The following TBC1D8 variants were observed in gnomAD, a reference collection of about 807,000 sequenced individuals.
The protein encoded by TBC1D8 is BUB2-like protein 1.
In TBC1D8, 65 loss-of-function variants were observed where a neutral mutation model predicts 118.8. That is an observed-to-expected ratio of 0.55 (90% CI 0.45 to 0.67). TBC1D8 has a LOEUF of 0.67. Ranked by LOEUF, TBC1D8 falls within the 30% of genes least tolerant of loss-of-function variation. The pLI, the probability that TBC1D8 is intolerant of heterozygous loss-of-function variation, is 0.00. For synonymous variants in TBC1D8, 566 were observed against 595.8 expected, an observed-to-expected ratio of 0.95 and a Z score of 0.73; for missense variants, 1,376 against 1,471.2, an observed-to-expected ratio of 0.94 and a Z score of 1.06.
intron 6 of TBC1D8, among the ~76,000 whole-genome samples, chr2:101,038,876 A>G (rs964289567): frequency 3.6e-5 from 5 of 138,664 alleles, no homozygotes; most frequent in Admixed American, 1.4e-4. Context: ...CTATCCATAC[A>G]TCGGCGTATG....
At chr2:101,033,304 G>A in intron 10 of TBC1D8, 1 of 566,180 alleles carries the variant, frequency 1.8e-6, no homozygotes, top group Non-Finnish European at 3.2e-6. Context: ...TTTAGTAGAT[G>A]GGGTTTCACC....
rs537561932 is a variant in TBC1D8 at position 101,095,332 on chromosome 2, T to C, written c.128-4968A>G. 4.6e-5 allele frequency among the ~76,000 whole-genome samples: 7 copies of C among 150,878 alleles called. No individual in the cohort carries two copies. The South Asian group carries it at 1.3e-3, about 27-fold the overall frequency. ...TTGTTACATATGTATACATGTGCCA[T>C]GTTGGTGTGCTGCACCCATTAACTC... On this transcript the variant is annotated intron_variant, in intron 1 of 19. Coordinates refer to ENST00000409318, the MANE Select transcript of TBC1D8 (RefSeq NM_001330348.2).
chr2:101,124,494 C>T (rs1006289436), intron 1 of TBC1D8, among the ~76,000 whole-genome samples: 2 of 152,114 alleles, frequency 1.3e-5, no homozygotes, highest in Non-Finnish European at 2.9e-5. Context: ...ACAACTCTTC[C>T]AATTTAAGGA....
chr2:101,011,613 T>C (rs1679219037), intron 17 of TBC1D8, 73 bp from the exon 18 acceptor site: 1 of 1,525,822 alleles, frequency 6.6e-7, no homozygotes, highest in Non-Finnish European at 9.0e-7. Flanking sequence ...TGTAGCTTTC[T>C]AGGCAACTAA....
chr2:101,101,791 AG>A (rs1676854422), intron 1 of TBC1D8, among the ~76,000 whole-genome samples: 2 of 152,208 alleles, frequency 1.3e-5, no homozygotes, highest in Non-Finnish European at 2.9e-5. Flanking sequence ...AAACTAATGC[AG>A]GAACAGAAAA....
intron 1 of TBC1D8, among the ~76,000 whole-genome samples, chr2:101,149,926 C>A (rs1450827339): frequency 6.6e-6 from 1 of 152,210 alleles, no homozygotes; most frequent in Admixed American, 6.5e-5. Context: ...GCACCGCCTC[C>A]GTCCAGAATC....
intron 1 of TBC1D8, among the ~76,000 whole-genome samples, chr2:101,148,754 A>C (rs1317172993): frequency 6.6e-6 from 1 of 152,146 alleles, no homozygotes; most frequent in Non-Finnish European, 1.5e-5. Context: ...TTAGGCCACC[A>C]CTGCTTGCTT....
At chr2:101,021,863 C>T (rs1680049152) in intron 16 of TBC1D8, 117 bp from the exon 17 acceptor site, 1 of 691,478 alleles carries the variant, frequency 1.4e-6, no homozygotes, top group African/African-American at 1.8e-5. Flanking sequence ...CCCCAACTCT[C>T]CTGCCCCAGA....
chr2:101,117,395 C>G (rs1255894538), intron 1 of TBC1D8, among the ~76,000 whole-genome samples: 1 of 152,150 alleles, frequency 6.6e-6, no homozygotes, highest in Non-Finnish European at 1.5e-5. Context: ...CCCAGCCAAT[C>G]TTTCTGGACC....
Position 101,151,180 on chromosome 2 carries a change from T to C in TBC1D8, c.74A>G (p.Tyr25Cys). Reference protein sequence around the residue: ...KLWVTQKSSCYFILQRRRGHG... With the variant: ...KLWVTQKSSCCFILQRRRGHG... ...CCCGCGGCGCCGCTGCAGGATGAAGTAGCAGCTGCTCTTCTGGGTCACCCA... is the reference window on the plus strand; with the variant it reads ...CCCGCGGCGCCGCTGCAGGATGAAGCAGCAGCTGCTCTTCTGGGTCACCCA... The change falls in exon 1 of 20, where the codon TAC becomes TGC. Residue 25 changes from tyrosine to cysteine, a missense_variant. Coordinates refer to ENST00000409318, the MANE Select transcript of TBC1D8 (RefSeq NM_001330348.2). The C allele has an allele frequency of 1.6e-6, 2 of 1,245,190 alleles. No individual in the cohort carries two copies. The highest frequency in any genetic ancestry group is 2.1e-6 in the Non-Finnish European group (2 of 968,646). 77.1% of individuals were successfully genotyped at this position (1,245,190 alleles called of 1,614,324 possible).
chr2:101,038,131 G>A (rs1681144277), intron 7 of TBC1D8, among the ~76,000 whole-genome samples: 1 of 152,118 alleles, frequency 6.6e-6, no homozygotes, highest in African/African-American at 2.4e-5. Flanking sequence ...CAGCCACCCC[G>A]GGACCACCTC....
intron 2 of TBC1D8, among the ~76,000 whole-genome samples, chr2:101,066,847 A>G (rs939889087): frequency 1.3e-5 from 2 of 149,954 alleles, no homozygotes; most frequent in African/African-American, 4.9e-5. Flanking sequence ...CGAGAGGCTG[A>G]GGCAGGAGAA....
In TBC1D8 at chr2:101,040,389, G is replaced by A. The variant is rs757526720; in HGVS notation, c.873-4C>T. The A allele has an allele frequency of 4.4e-6, 7 of 1,584,686 alleles. No individual in the cohort carries two copies. The highest frequency in any genetic ancestry group is 6.0e-6 in the Non-Finnish European group (7 of 1,164,460). On this transcript the variant is annotated splice_region_variant and splice_polypyrimidine_tract_variant and intron_variant, in intron 5 of 19. Transcript: ENST00000409318. ...CTGTGCTCTGGCTTCCAGGTCCCTG[G>A]GGAAGGACAGGGAGAGAAGAAGAAG... is the stretch of plus-strand genomic sequence containing the variant.
chr2:101,066,466 TA>T (rs1337016339), intron 2 of TBC1D8, among the ~76,000 whole-genome samples: 1 of 152,004 alleles, frequency 6.6e-6, no homozygotes, highest in South Asian at 2.1e-4. Flanking sequence ...AATCAATTCT[TA>T]AAAAAATGGA....
intron 15 of TBC1D8, among the ~76,000 whole-genome samples, chr2:101,026,146 C>T (rs1310813000): frequency 6.6e-6 from 1 of 152,054 alleles, no homozygotes; most frequent in Admixed American, 6.5e-5. Context: ...ACATAAATTC[C>T]GACATGCGAT....
At chr2:101,118,639 G>A (rs1031592656) in intron 1 of TBC1D8, among the ~76,000 whole-genome samples, 4 of 149,394 alleles carry the variant, frequency 2.7e-5, no homozygotes, top group Non-Finnish European at 1.5e-5. Context: ...GGAGCTTGCA[G>A]TGAGCCGAGA....
At position 101,090,581 on chromosome 2, in the gene TBC1D8, C is replaced by G. The variant is rs146535503; in HGVS notation, c.128-217G>C. 1.7e-3 allele frequency among the ~76,000 whole-genome samples: 259 copies of G among 152,334 alleles called. 3 individuals carry two copies. The highest frequency in any genetic ancestry group is 3.7e-3 in the East Asian group (19 of 5,174). On this transcript the variant is annotated intron_variant, in intron 1 of 19. Transcript: ENST00000409318. ...ACCTGCCCCTGACAGGCACTCAGTA[C>G]TCATTTGCTCAATCAATGAAGAGGT...
intron 5 of TBC1D8, among the ~76,000 whole-genome samples, chr2:101,042,116 T>C (rs1681423852): frequency 6.6e-6 from 1 of 152,106 alleles, no homozygotes; most frequent in Admixed American, 6.5e-5. Context: ...ATATATATTT[T>C]AAGAATCCAG....
chr2:101,024,975 A>G (rs1680254063), intron 15 of TBC1D8, among the ~76,000 whole-genome samples: 2 of 152,336 alleles, frequency 1.3e-5, no homozygotes, highest in African/African-American at 4.8e-5. Context: ...GAAAAGATCT[A>G]TAGATTCTCA....
Sources: gnomAD v4.1 joint callset for allele counts (sites outside exome capture counted in the v4.1 genomes callset) on GRCh38, gnomAD v4.1.1 for gene constraint, MANE v1.5 for transcripts, NCBI Gene and HGNC (gene_info 2026-07-23, HGNC 2026-07-21) for gene names.